Variants in NUGGC observed in about 807,000 individuals in gnomAD.
The protein encoded by NUGGC is nuclear GTPase, germinal center associated, also known as nuclear GTPase SLIP-GC.
Under a neutral mutation model 92.6 loss-of-function variants are expected in NUGGC, and 58 were observed. That is an observed-to-expected ratio of 0.63 (90% CI 0.51 to 0.78). The LOEUF is 0.78. Ranked by LOEUF, NUGGC falls within the 30% of genes least tolerant of loss-of-function variation. The probability of loss-of-function intolerance (pLI) is 0.00; values close to 1 mark genes in which losing one functional copy is unlikely to be tolerated. For missense variants in NUGGC, 925 were observed against 964.6 expected (o/e 0.96, Z 0.54); for synonymous variants, 376 against 366.4 (o/e 1.03, Z -0.30).
chr8:28,030,860 T>C (rs544574068), intron 15 of NUGGC, among the ~76,000 whole-genome samples: 1 of 152,366 alleles, frequency 6.6e-6, no homozygotes, highest in South Asian at 2.1e-4. Flanking sequence ...TTGACTTCTT[T>C]AAGTTTCACT....
chr8:28,074,330 C>T (rs1384570581), intron 2 of NUGGC, 38 bp downstream of exon 2: 1 of 1,412,240 alleles, frequency 7.1e-7, no homozygotes, highest in South Asian at 1.2e-5. Flanking sequence ...GTAATCAGTT[C>T]CTATATCCTC....
chr8:28,065,810 T>G (rs1810425984), intron 6 of NUGGC, among the ~76,000 whole-genome samples: 1 of 152,160 alleles, frequency 6.6e-6, no homozygotes, highest in South Asian at 2.1e-4. Context: ...GAGTAAGAGA[T>G]TTCATCAATT....
chr8:28,053,050 T>C (rs537282947), intron 10 of NUGGC, among the ~76,000 whole-genome samples: 86 of 152,006 alleles, frequency 5.7e-4, no homozygotes, highest in Non-Finnish European at 7.4e-5. Context: ...GTTTTGATAC[T>C]GAGGTGTATG....
intron 11 of NUGGC, 88 bp from the exon 12 acceptor site, chr8:28,045,748 G>T: frequency 2.1e-6 from 3 of 1,407,010 alleles, no homozygotes; most frequent in Non-Finnish European, 2.9e-6. Flanking sequence ...CCAAGGTGGC[G>T]ATATGAATGA....
chr8:28,056,975 T>A (rs999307735), intron 9 of NUGGC, among the ~76,000 whole-genome samples: 2 of 152,156 alleles, frequency 1.3e-5, no homozygotes, highest in Non-Finnish European at 2.9e-5. Context: ...ATACTAATGA[T>A]CTCCATGTGA....
At chr8:28,026,264 T>C (rs1331028354) in intron 18 of NUGGC, among the ~76,000 whole-genome samples, 1 of 152,196 alleles carries the variant, frequency 6.6e-6, no homozygotes, top group African/African-American at 2.4e-5. Context: ...CCTCCCCCCA[T>C]ATAAGGATAT....
chr8:28,030,184 T>C (rs34294236), intron 16 of NUGGC, 126 bp downstream of exon 16: 7,572 of 641,938 alleles, frequency 0.012, 86 homozygotes, highest in Non-Finnish European at 0.017. Context: ...ATGTGTGGAC[T>C]GAGAGTGCTG....
chr8:28,069,764 G>A (rs776519086), intron 3 of NUGGC, 112 bp from the exon 4 acceptor site: 1 of 723,068 alleles, frequency 1.4e-6, no homozygotes, highest in Non-Finnish European at 2.5e-6. Flanking sequence ...AAAATGAAAT[G>A]AAAAGCCGAT....
chr8:28,058,331 G>A, intron 8 of NUGGC, 55 bp from the exon 9 acceptor site: 1 of 348,872 alleles, frequency 2.9e-6, no homozygotes, highest in East Asian at 7.2e-5. Context: ...ATGTGTCACT[G>A]CAGTCTTTCG....
intron 9 of NUGGC, among the ~76,000 whole-genome samples, chr8:28,056,283 C>A (rs1810134051): frequency 6.6e-6 from 1 of 151,848 alleles, no homozygotes; most frequent in Non-Finnish European, 1.5e-5. Context: ...TCGAGACCAT[C>A]CTGGCTAATC....
intron 8 of NUGGC, among the ~76,000 whole-genome samples, chr8:28,059,829 C>G (rs1277497364): frequency 1.3e-5 from 2 of 152,056 alleles, no homozygotes; most frequent in Non-Finnish European, 2.9e-5. Context: ...CAAGACCACC[C>G]CGGCCAACAT....
chr8:28,047,710 A>C, intron 10 of NUGGC, 98 bp from the exon 11 acceptor site: 2 of 677,880 alleles, frequency 3.0e-6, no homozygotes, highest in Non-Finnish European at 5.0e-6. Context: ...ATTTCAGCTC[A>C]CTCATTTTCA....
Position 28,067,418 on chromosome 8 carries a change from A to G in NUGGC, c.711+96T>C. 6 of 772,086 alleles carry G rather than the reference A, an allele frequency of 7.8e-6. No homozygotes were observed. In the South Asian group the frequency reaches 1.0e-4, roughly 13 times the overall value. The allele number at this position is 772,086 out of a possible 1,614,324, so 47.8% of individuals were successfully genotyped here. ...GGTAGCAACTTATTTCTTATTTCAC[A>G]CAAACACTGTACCACAAGCCCATCC... On this transcript the variant is annotated intron_variant, in intron 6 of 18. Coordinates refer to ENST00000413272, the MANE Select transcript of NUGGC (RefSeq NM_001010906.2).
rs148996631 is a variant in NUGGC, at chr8:28,074,862, C to G, written c.-46-406G>C. Among the ~76,000 whole-genome samples the G allele has an allele frequency of 7.4e-4, 113 of 152,258 alleles. 1 individual carries two copies. The East Asian group carries it at 0.019, about 25-fold the overall frequency. On this transcript the variant is annotated intron_variant, in intron 1 of 18. Transcript: ENST00000413272. ...GCTGAGGCAGGAGAATCTCTTGAAC[C>G]TGGGAGGCGGGGCTTGTAGTGAGCC...
intron 13 of NUGGC, among the ~76,000 whole-genome samples, chr8:28,038,206 C>A (rs1809605179): frequency 2.6e-5 from 4 of 152,180 alleles, no homozygotes. Context: ...ACAGCCCCCA[C>A]CAGAATGCTC....
In NUGGC at chr8:28,068,454, A is replaced by G. The variant is rs1810503013; in HGVS notation, c.258-16T>C. 2 of 1,492,580 alleles carry G rather than the reference A, an allele frequency of 1.3e-6. No individual in the cohort carries two copies. The highest frequency in any genetic ancestry group is 2.4e-5 in the South Asian group (2 of 83,012). The allele number at this position is 1,492,580 out of a possible 1,614,324, so 92.5% of individuals were successfully genotyped here. A position where few individuals can be genotyped will look rare whatever the true frequency, so the allele number is the denominator to read the frequency against. ...AAGCCTATTTCTGGATGAATTTTAA[A>G]ATGCACATTGCCATGATCATCAAAG... is the stretch of plus-strand genomic sequence containing the variant. On this transcript the variant is annotated splice_polypyrimidine_tract_variant and intron_variant, in intron 4 of 18. Transcript: ENST00000413272.
chr8:28,027,123 C>G, intron 17 of NUGGC, 71 bp from the exon 18 acceptor site: 1 of 1,196,480 alleles, frequency 8.4e-7, no homozygotes, highest in Non-Finnish European at 1.2e-6. Flanking sequence ...TAAAAGGGAC[C>G]CCACCCAGTC....
chr8:28,067,089 TG>T (rs1810456378), intron 6 of NUGGC, among the ~76,000 whole-genome samples: 1 of 152,098 alleles, frequency 6.6e-6, no homozygotes, highest in Admixed American at 6.5e-5. Flanking sequence ...CTCATGACAA[TG>T]GGGGCGACGG....
chr8:28,044,240 C>G (rs199929251), intron 12 of NUGGC, among the ~76,000 whole-genome samples: 1 of 152,134 alleles, frequency 6.6e-6, no homozygotes, highest in Non-Finnish European at 1.5e-5. Context: ...TTCCCTGTTC[C>G]GGCATAACAA....
Sources: allele counts gnomAD v4.1 joint callset (sites outside exome capture counted in the v4.1 genomes callset), GRCh38; gene constraint gnomAD v4.1.1; transcripts MANE v1.5; gene names NCBI Gene and HGNC (gene_info 2026-07-23, HGNC 2026-07-21).